CLASP1: variants seen among roughly 807,000 people sequenced by gnomAD.
CLASP1 encodes the protein CLIP-associating protein 1.
Under a neutral mutation model 192.3 loss-of-function variants are expected in CLASP1, and 38 were observed. The observed-to-expected ratio is 0.20, with a 90% CI of 0.15 to 0.26. The LOEUF (loss-of-function observed/expected upper bound fraction) is 0.26, where lower values mean the gene tolerates loss of function less well. Among genes scored for constraint, CLASP1 ranks in the 10% least tolerant of loss-of-function variants. CLASP1 has a pLI of 1.00. For synonymous variants in CLASP1, 691 were observed against 712.8 expected, an observed-to-expected ratio of 0.97 and a Z score of 0.49; for missense variants, 1,433 against 1,932.5, an observed-to-expected ratio of 0.74 and a Z score of 4.85.
intron 11 of CLASP1, among the ~76,000 whole-genome samples, 158 bp from the exon 12 acceptor site, chr2:121,460,283 C>G (rs2087629089): frequency 6.6e-6 from 1 of 152,048 alleles, no homozygotes; most frequent in African/African-American, 2.4e-5. Flanking sequence ...TTAGCTAATA[C>G]AATAAACAAA....
At chr2:121,371,236 T>C (rs918130933) in intron 34 of CLASP1, among the ~76,000 whole-genome samples, 2 of 151,814 alleles carry the variant, frequency 1.3e-5, no homozygotes, top group African/African-American at 4.8e-5. Flanking sequence ...TACATATATA[T>C]ATATTTTTTT....
chr2:121,340,786 T>C, exon 40 of CLASP1: 3 of 1,123,972 alleles, frequency 2.7e-6, no homozygotes, highest in Non-Finnish European at 4.0e-6. Flanking sequence ...GGGCAGCCGA[T>C]GAAGGGGGTG....
intron 30 of CLASP1, among the ~76,000 whole-genome samples, chr2:121,390,900 C>T (rs1300598075): frequency 1.3e-5 from 2 of 152,118 alleles, no homozygotes; most frequent in African/African-American, 4.8e-5. Context: ...AATCACCGTG[C>T]ACTGCAGCCT....
At chr2:121,447,431 T>G (rs534521414) in exon 19 of CLASP1, 1 of 1,564,408 alleles carries the variant, frequency 6.4e-7, no homozygotes, top group Admixed American at 1.9e-5. Flanking sequence ...CACTGGCTGC[T>G]GCGTTCACAT....
intron 19 of CLASP1, chr2:121,445,051 TA>T: frequency 1.3e-6 from 1 of 765,178 alleles, no homozygotes; most frequent in Non-Finnish European, 2.0e-6. Flanking sequence ...TATTAGCTAC[TA>T]AAAAAGCAAA....
chr2:121,451,769 G>C (rs1446598475), intron 15 of CLASP1, 21 bp downstream of exon 15: 4 of 1,560,426 alleles, frequency 2.6e-6, no homozygotes, highest in South Asian at 1.2e-5. Flanking sequence ...AGGGAAAAAT[G>C]GTTTCAAATC....
At chr2:121,609,564 C>T (rs866392268) in intron 1 of CLASP1, among the ~76,000 whole-genome samples, 1 of 152,132 alleles carries the variant, frequency 6.6e-6, no homozygotes, top group African/African-American at 2.4e-5. Context: ...GAATATTAAT[C>T]ACATAGTTCC....
chr2:121,367,606 T>C (rs1216132920), exon 35 of CLASP1: 1 of 1,614,038 alleles, frequency 6.2e-7, no homozygotes, highest in Non-Finnish European at 8.5e-7. Context: ...AGCTGCTCCA[T>C]GTCGTCATCG....
chr2:121,575,629 G>C (rs1234745428), intron 2 of CLASP1, among the ~76,000 whole-genome samples: 3 of 152,100 alleles, frequency 2.0e-5, no homozygotes, highest in Admixed American at 1.3e-4. Context: ...AGGAAGCAAA[G>C]GCTCAGTGAC....
At chr2:121,345,713 GC>G in intron 39 of CLASP1, among the ~76,000 whole-genome samples, 1 of 152,242 alleles carries the variant, frequency 6.6e-6, no homozygotes, top group African/African-American at 2.4e-5. Flanking sequence ...CTGCACACCT[GC>G]CTCATACACC....
At chr2:121,455,890 G>A (rs1362440352) in intron 14 of CLASP1, among the ~76,000 whole-genome samples, 1 of 152,012 alleles carries the variant, frequency 6.6e-6, no homozygotes, top group African/African-American at 2.4e-5. Context: ...ACTCATAGAA[G>A]CAGAAAGTAG....
intron 8 of CLASP1, among the ~76,000 whole-genome samples, chr2:121,483,500 A>G (rs10204861): frequency 2.0e-5 from 3 of 151,644 alleles, no homozygotes; most frequent in South Asian, 2.1e-4. Flanking sequence ...ATATGTGTGT[A>G]TATATATGTA....
intron 8 of CLASP1, among the ~76,000 whole-genome samples, chr2:121,478,905 CCACACACA>C (rs2092242335): frequency 7.7e-5 from 4 of 51,688 alleles, no homozygotes; most frequent in African/African-American, 5.4e-4. Flanking sequence ...ACACACCACA[CCACACACA>C]CCACACACAC....
At chr2:121,365,316 G>A (rs1489249272) in intron 35 of CLASP1, 32 bp from the exon 37 acceptor site, 5 of 1,582,956 alleles carry the variant, frequency 3.2e-6, no homozygotes, top group East Asian at 2.3e-5. Flanking sequence ...ACGTCACCTC[G>A]TGAGGAAATG....
Position 121,590,133 on chromosome 2 carries a change from G to A in CLASP1, c.195+15568C>T, listed in dbSNP as rs34175089. 2.2e-3 allele frequency among the ~76,000 whole-genome samples: 342 copies of A among 152,240 alleles called. 3 individuals are homozygous for A. Among genetic ancestry groups the A allele is most frequent in the Admixed American group, 3.9e-3 (59 of 15,280 alleles). On this transcript the variant is annotated intron_variant, in intron 2 of 39. Transcript: ENST00000263710. Reference sequence around the variant, plus strand: ...CATTGCTGCTCCTAGAAGCAAACAGGTATCTTTGGCCCATTCCAAAGGAAA... The same window carrying A: ...CATTGCTGCTCCTAGAAGCAAACAGATATCTTTGGCCCATTCCAAAGGAAA...
chr2:121,612,702 G>A (rs72972767), intron 1 of CLASP1, among the ~76,000 whole-genome samples: 5,824 of 152,262 alleles, frequency 0.038, 161 homozygotes, highest in East Asian at 0.14. Context: ...ACCATAACCA[G>A]TGGTCACCTA....
chr2:121,485,006 G>T (rs565815797), intron 8 of CLASP1, among the ~76,000 whole-genome samples: 1 of 152,294 alleles, frequency 6.6e-6, no homozygotes, highest in Non-Finnish European at 1.5e-5. Context: ...CTGTGATAAA[G>T]GCAAAGAAGA....
At chr2:121,426,151 A>C (rs1024044273) in intron 21 of CLASP1, among the ~76,000 whole-genome samples, 8 of 152,224 alleles carry the variant, frequency 5.3e-5, no homozygotes, top group African/African-American at 1.9e-4. Context: ...TCTCTTAAAA[A>C]AGAACAAAAA....
At chr2:121,503,283 G>T in intron 7 of CLASP1, 49 bp from the exon 8 acceptor site, 1 of 1,055,268 alleles carries the variant, frequency 9.5e-7, no homozygotes, top group Non-Finnish European at 1.4e-6. Flanking sequence ...ACTGCTCATA[G>T]CCAATTATAT....
Sources: allele counts gnomAD v4.1 joint callset (sites outside exome capture counted in the v4.1 genomes callset), GRCh38; gene constraint gnomAD v4.1.1; transcripts MANE v1.5; gene names NCBI Gene and HGNC (gene_info 2026-07-23, HGNC 2026-07-21).